The following DPH6 variants were observed in gnomAD, a reference collection of about 807,000 sequenced individuals.
DPH6 encodes diphthamine biosynthesis 6, also known as diphthine--ammonia ligase.
Under a neutral mutation model 38.2 loss-of-function variants are expected in DPH6, and 33 were observed. The observed-to-expected ratio is 0.86, with a 90% CI of 0.65 to 1.15. The LOEUF is 1.15. DPH6 is among the 50% of genes most tolerant of loss of function. DPH6 has a pLI of 0.00. For synonymous variants in DPH6, 108 were observed against 103.0 expected, an observed-to-expected ratio of 1.05 and a Z score of -0.30; for missense variants, 325 against 320.0, an observed-to-expected ratio of 1.02 and a Z score of -0.12.
intron 3 of DPH6, among the ~76,000 whole-genome samples, chr15:35,468,818 A>C (rs1483395889): frequency 6.6e-6 from 1 of 152,156 alleles, no homozygotes; most frequent in Non-Finnish European, 1.5e-5. Context: ...CAGTAATCCC[A>C]GCACTTTGGG....
chr15:35,521,464 T>C (rs1202838008), intron 3 of DPH6: 6 of 1,190,404 alleles, frequency 5.0e-6, no homozygotes, highest in Non-Finnish European at 6.2e-6. Context: ...TTGCTTTTCA[T>C]TGATCTAACA....
intron 3 of DPH6, among the ~76,000 whole-genome samples, chr15:35,517,073 T>C (rs1018550154): frequency 5.9e-5 from 9 of 152,112 alleles, no homozygotes; most frequent in African/African-American, 1.9e-4. Context: ...TAAAATATAA[T>C]AGCTTGCTAT....
chr15:35,508,963 T>C (rs2054731650), intron 3 of DPH6, among the ~76,000 whole-genome samples: 2 of 152,192 alleles, frequency 1.3e-5, no homozygotes, highest in Admixed American at 6.5e-5. Flanking sequence ...ATTTTAAAAA[T>C]TCAAAACCCC....
intron 3 of DPH6, among the ~76,000 whole-genome samples, chr15:35,340,447 T>A (rs371740585): frequency 5.3e-5 from 8 of 152,330 alleles, no homozygotes; most frequent in East Asian, 3.9e-4. Flanking sequence ...TTTTGCAGGC[T>A]TGTTTATGTG....
intron 3 of DPH6, among the ~76,000 whole-genome samples, chr15:35,357,855 T>C (rs1424457731): frequency 1.3e-5 from 2 of 152,342 alleles, no homozygotes; most frequent in Non-Finnish European, 2.9e-5. Flanking sequence ...CTGATGACAA[T>C]GTGCATAGGT....
intron 3 of DPH6, chr15:35,520,384 AAAAT>A: frequency 1.0e-6 from 1 of 983,572 alleles, no homozygotes; most frequent in South Asian, 4.7e-5. Context: ...ATCAGGATGT[AAAAT>A]AAATAAGTTA....
the DPH6 span, among the ~76,000 whole-genome samples, chr15:35,199,804 T>G: frequency 6.6e-6 from 1 of 151,754 alleles, no homozygotes; most frequent in African/African-American, 2.4e-5. Context: ...AATACTGTTG[T>G]CCTGGAAATA....
intron 5 of DPH6, among the ~76,000 whole-genome samples, chr15:35,431,983 C>T (rs2053638517): frequency 6.6e-6 from 1 of 152,116 alleles, no homozygotes; most frequent in African/African-American, 2.4e-5. Flanking sequence ...TGACAAATAC[C>T]AATCAATACT....
chr15:35,468,853 G>A (rs1269427313), intron 3 of DPH6, among the ~76,000 whole-genome samples: 1 of 152,030 alleles, frequency 6.6e-6, no homozygotes, highest in Non-Finnish European at 1.5e-5. Flanking sequence ...GGATCAACAG[G>A]TGTTCGGAGT....
intron 3 of DPH6, chr15:35,365,768 T>A: frequency 1.0e-6 from 1 of 984,778 alleles, no homozygotes; most frequent in South Asian, 4.7e-5. Flanking sequence ...CAGAAATGAG[T>A]CAAGTAGTCC....
At chr15:35,346,951 A>T (rs927347067) in intron 3 of DPH6, among the ~76,000 whole-genome samples, 1 of 152,144 alleles carries the variant, frequency 6.6e-6, no homozygotes, top group South Asian at 2.1e-4. Flanking sequence ...AATGCACAAT[A>T]AAATTTACCC....
At chr15:35,314,946 A>G (rs1482283325) in intron 3 of DPH6, among the ~76,000 whole-genome samples, 5 of 144,772 alleles carry the variant, frequency 3.5e-5, no homozygotes, top group African/African-American at 1.3e-4. Context: ...ACTTGCACCA[A>G]AAAAAGGTCA....
chr15:35,418,417 A>G (rs1003639870), intron 5 of DPH6, among the ~76,000 whole-genome samples: 3 of 152,106 alleles, frequency 2.0e-5, no homozygotes, highest in African/African-American at 7.2e-5. Flanking sequence ...AATTTACTGT[A>G]AACTCTGACA....
At chr15:35,448,756 A>G (rs993993269) in intron 5 of DPH6, among the ~76,000 whole-genome samples, 2 of 152,168 alleles carry the variant, frequency 1.3e-5, no homozygotes, top group Non-Finnish European at 2.9e-5. Flanking sequence ...GCTTCAGTCA[A>G]TAATATGGAT....
chr15:35,189,731 G>A, the DPH6 span, among the ~76,000 whole-genome samples: 1 of 152,152 alleles, frequency 6.6e-6, no homozygotes, highest in African/African-American at 2.4e-5. Context: ...TGAAAGAAAA[G>A]CCACGACAAA....
downstream of DPH6, among the ~76,000 whole-genome samples, chr15:35,327,302 C>A (rs2052290429): frequency 6.7e-6 from 1 of 150,226 alleles, no homozygotes; most frequent in South Asian, 2.1e-4. Context: ...TTTTCTGCTC[C>A]AAAAGTACTG....
At chr15:35,413,502 G>C (rs974946696) in intron 5 of DPH6, among the ~76,000 whole-genome samples, 1 of 151,566 alleles carries the variant, frequency 6.6e-6, no homozygotes, top group African/African-American at 2.4e-5. Flanking sequence ...AAAACTTCTT[G>C]ATGGAATTAT....
intron 5 of DPH6, among the ~76,000 whole-genome samples, chr15:35,436,272 T>C (rs111271414): frequency 0.041 from 6,186 of 149,872 alleles, 211 homozygotes; most frequent in African/African-American, 0.097. Flanking sequence ...CAAGACCATC[T>C]TGGCTAACAT....
intron 3 of DPH6, among the ~76,000 whole-genome samples, chr15:35,458,388 CAGTG>C (rs1566917537): frequency 6.6e-6 from 1 of 152,144 alleles, no homozygotes; most frequent in East Asian, 1.9e-4. Context: ...TTTTCCAGCA[CAGTG>C]AGACCTGAAT....
Sources: gnomAD v4.1 joint callset for allele counts (sites outside exome capture counted in the v4.1 genomes callset) on GRCh38, gnomAD v4.1.1 for gene constraint, MANE v1.5 for transcripts, NCBI Gene and HGNC (gene_info 2026-07-23, HGNC 2026-07-21) for gene names.